Variants in MAGI1 observed in about 807,000 individuals in gnomAD.
MAGI1 encodes the protein membrane-associated guanylate kinase, WW and PDZ domain-containing protein 1.
Under a neutral mutation model 139.9 loss-of-function variants are expected in MAGI1, and 58 were observed. That is an observed-to-expected ratio of 0.41 (90% CI 0.34 to 0.52). The LOEUF (loss-of-function observed/expected upper bound fraction) is 0.52, where lower values mean the gene tolerates loss of function less well. MAGI1 is among the 20% of genes least tolerant of loss of function. The pLI is 0.12. For synonymous variants in MAGI1, 812 were observed against 737.9 expected (o/e 1.10, Z -1.63); for missense variants, 1,874 against 1,901.6 (o/e 0.99, Z 0.27).
At chr3:65,971,526 AC>A (rs1346877971) in intron 1 of MAGI1, among the ~76,000 whole-genome samples, 1 of 152,168 alleles carries the variant, frequency 6.6e-6, no homozygotes, top group African/African-American at 2.4e-5. Flanking sequence ...CTGGCAGCCA[AC>A]ATCTTCTACT....
intron 1 of MAGI1, among the ~76,000 whole-genome samples, chr3:65,663,372 ATGGTTTTACCG>A (rs1342228699): frequency 1.3e-5 from 2 of 152,170 alleles, no homozygotes; most frequent in East Asian, 3.9e-4. Context: ...TGGACTGATA[ATGGTTTTACCG>A]TGGTACCAGT....
chr3:65,453,509 T>C (rs1220870513), intron 5 of MAGI1, among the ~76,000 whole-genome samples, 169 bp from the exon 6 acceptor site: 1 of 152,046 alleles, frequency 6.6e-6, no homozygotes, highest in African/African-American at 2.4e-5. Context: ...AATTATAAAA[T>C]GGCTTGGGGA....
Position 65,470,293 on chromosome 3 carries a change from A to T in MAGI1, c.949T>A (p.Tyr317Asn). Residue 317 changes from tyrosine to asparagine, a missense_variant, in exon 5 of 23, where the codon TAT becomes AAT. Tyr to Asn is a moderately radical substitution (Grantham distance 143, BLOSUM62 -2). This residue lies in a region of MAGI1 where 648 missense variants were observed against 598.1 expected (regional missense o/e 1.08). Coordinates refer to ENST00000402939, the MANE Select transcript of MAGI1 (RefSeq NM_001033057.2). The stretch of plus-strand genomic sequence containing the variant: ...AATGGTATACTTTACTCTATAAAAT[A>T]GACTTCTCCATTTTCAGTATAGGCC... ...EMAYTENGEV[Y>N]FIDHNTKTTS... 6.3e-7 allele frequency: 1 copy of T among 1,598,544 alleles called. No homozygotes were observed.
intron 1 of MAGI1, among the ~76,000 whole-genome samples, chr3:65,957,647 T>C (rs952725901): frequency 6.6e-6 from 1 of 151,920 alleles, no homozygotes; most frequent in African/African-American, 2.4e-5. Context: ...AGTGAATCTA[T>C]CTGTACAAAG....
chr3:65,794,279 C>T (rs535426404), intron 1 of MAGI1, among the ~76,000 whole-genome samples: 1 of 152,294 alleles, frequency 6.6e-6, no homozygotes, highest in Non-Finnish European at 1.5e-5. Flanking sequence ...TTGCAAGCCA[C>T]AGACTCAACA....
intron 1 of MAGI1, among the ~76,000 whole-genome samples, chr3:65,764,907 C>A (rs528462209): frequency 4.1e-4 from 62 of 152,310 alleles, no homozygotes; most frequent in Non-Finnish European, 6.0e-4. Flanking sequence ...ACTTGGCTCA[C>A]AAAGTGACAT....
chr3:65,454,325 G>A (rs1200981920), intron 5 of MAGI1, among the ~76,000 whole-genome samples: 3 of 148,602 alleles, frequency 2.0e-5, no homozygotes, highest in African/African-American at 7.4e-5. Context: ...GGTGGGAACT[G>A]AACAATGAGA....
intron 14 of MAGI1, among the ~76,000 whole-genome samples, chr3:65,385,717 C>T (rs1239850375): frequency 6.6e-6 from 1 of 152,188 alleles, no homozygotes; most frequent in African/African-American, 2.4e-5. Flanking sequence ...CTATCCACTG[C>T]TTTTATTATA....
At chr3:65,787,902 G>A (rs2039507215) in intron 1 of MAGI1, among the ~76,000 whole-genome samples, 1 of 152,156 alleles carries the variant, frequency 6.6e-6, no homozygotes, top group African/African-American at 2.4e-5. Context: ...CAGGATGGTT[G>A]AAACCAAGCA....
chr3:65,825,057 C>T (rs566513687), intron 1 of MAGI1, among the ~76,000 whole-genome samples: 1 of 152,308 alleles, frequency 6.6e-6, no homozygotes, highest in South Asian at 2.1e-4. Context: ...AACTTATCTT[C>T]AAAAGCGCAG....
chr3:66,018,829 A>C (rs1217163672), intron 1 of MAGI1, among the ~76,000 whole-genome samples: 1 of 152,190 alleles, frequency 6.6e-6, no homozygotes. Context: ...CAAGTTTTGC[A>C]AGAATGAGAA....
At chr3:65,586,859 G>GC in intron 2 of MAGI1, among the ~76,000 whole-genome samples, 1 of 151,884 alleles carries the variant, frequency 6.6e-6, no homozygotes, top group East Asian at 1.9e-4. Context: ...TGCAAACAGG[G>GC]CACAGGGAAG....
intron 1 of MAGI1, among the ~76,000 whole-genome samples, chr3:65,686,264 G>T (rs981038912): frequency 1.3e-5 from 2 of 151,978 alleles, no homozygotes; most frequent in African/African-American, 4.8e-5. Context: ...TCTCCTCTGG[G>T]CATTTTGGAA....
chr3:65,402,010 T>C (rs1450566820), intron 12 of MAGI1: 1 of 451,698 alleles, frequency 2.2e-6, no homozygotes, highest in Admixed American at 6.4e-5. Context: ...ATGAGCTCAA[T>C]ACCAAAACAA....
At chr3:65,698,849 T>C (rs1323193623) in intron 1 of MAGI1, among the ~76,000 whole-genome samples, 1 of 134,922 alleles carries the variant, frequency 7.4e-6, no homozygotes, top group African/African-American at 3.0e-5. Flanking sequence ...CCAAAAGCAA[T>C]GGCAACAAAA....
At position 65,851,366 on chromosome 3, in the gene MAGI1, C is replaced by A. The variant is rs1333104407; in HGVS notation, c.313+186630G>T. ...CTTGATTACCTTATTTTCTCCCACA[C>A]AATGACTTATGAGTATTACATTGTT... On this transcript the variant is annotated intron_variant, in intron 1 of 22. Coordinates refer to ENST00000402939, the MANE Select transcript of MAGI1 (RefSeq NM_001033057.2). Among the ~76,000 whole-genome samples, 6 of 152,288 alleles carry A rather than the reference C, an allele frequency of 3.9e-5. No homozygotes were observed. In the East Asian group the frequency reaches 1.2e-3, roughly 29 times the overall value.
chr3:65,647,805 C>A (rs1248917165), intron 1 of MAGI1, among the ~76,000 whole-genome samples: 1 of 152,150 alleles, frequency 6.6e-6, no homozygotes, highest in African/African-American at 2.4e-5. Context: ...AGGTATCTTG[C>A]TGGTAAAGAA....
chr3:65,741,762 G>C (rs1478596361), intron 1 of MAGI1, among the ~76,000 whole-genome samples: 1 of 152,156 alleles, frequency 6.6e-6, no homozygotes, highest in Non-Finnish European at 1.5e-5. Context: ...CAAAGGATGT[G>C]TTTCATTTGT....
intron 12 of MAGI1, among the ~76,000 whole-genome samples, chr3:65,429,020 G>A (rs1947277457): frequency 6.6e-6 from 1 of 152,176 alleles, no homozygotes; most frequent in Admixed American, 6.5e-5. Flanking sequence ...CCATCAGATG[G>A]AGGAGAGGAA....
Sources: gnomAD v4.1 joint callset for allele counts (sites outside exome capture counted in the v4.1 genomes callset) on GRCh38, gnomAD v4.1.1 for gene constraint, gnomAD v4.1.1 regional missense constraint, MANE v1.5 for transcripts, NCBI Gene and HGNC (gene_info 2026-07-23, HGNC 2026-07-21) for gene names.